GLRA3: variants seen among roughly 807,000 people sequenced by gnomAD.
The protein encoded by GLRA3 is glycine receptor alpha 3, also known as glycine receptor subunit alpha-3.
GLRA3 carries 44 observed loss-of-function variants against 60.4 expected under a neutral mutation model. That is an observed-to-expected ratio of 0.73 (90% confidence interval 0.57 to 0.94). The LOEUF (loss-of-function observed/expected upper bound fraction) is 0.94, where lower values mean the gene tolerates loss of function less well. Ranked by LOEUF, GLRA3 falls within the 40% of genes least tolerant of loss-of-function variation. GLRA3 has a pLI of 0.00. For missense variants in GLRA3, 508 were observed against 564.6 expected, an observed-to-expected ratio of 0.90 and a Z score of 1.02; for synonymous variants, 223 against 192.9, an observed-to-expected ratio of 1.16 and a Z score of -1.29.
chr4:174,666,376 A>G (rs1279391650), intron 7 of GLRA3, among the ~76,000 whole-genome samples: 1 of 152,030 alleles, frequency 6.6e-6, no homozygotes, highest in Non-Finnish European at 1.5e-5. Flanking sequence ...GCCCAGGTGA[A>G]GCAAAACTAT....
chr4:174,803,456 T>C (rs1412315890), intron 1 of GLRA3, among the ~76,000 whole-genome samples: 1 of 152,134 alleles, frequency 6.6e-6, no homozygotes, highest in Non-Finnish European at 1.5e-5. Flanking sequence ...TAATAAAATG[T>C]AAGGTACCAT....
chr4:174,721,255 C>A (rs1388197785), intron 4 of GLRA3, among the ~76,000 whole-genome samples: 1 of 152,066 alleles, frequency 6.6e-6, no homozygotes, highest in African/African-American at 2.4e-5. Flanking sequence ...TCTCCATCTC[C>A]TGACCTCATG....
chr4:174,750,756 T>C (rs1314545266), intron 3 of GLRA3, among the ~76,000 whole-genome samples: 1 of 152,096 alleles, frequency 6.6e-6, no homozygotes, highest in Non-Finnish European at 1.5e-5. Context: ...CTTAGTGATC[T>C]TTGACTGCAG....
In GLRA3 at chr4:174,642,020, T is replaced by TA. The variant is rs1322948763; in HGVS notation, c.*1765dup. 3 of 359,164 alleles carry TA rather than the reference T, an allele frequency of 8.4e-6. No homozygotes were observed. The highest frequency in any genetic ancestry group is 7.8e-6 in the Non-Finnish European group (2 of 257,618). 22.2% of individuals were successfully genotyped at this position (359,164 alleles called of 1,614,324 possible). A position where few individuals can be genotyped will look rare whatever the true frequency, so the allele number is the denominator to read the frequency against. ...GTCCTCAACGTGGGTACTTACAGAG[T>TA]AACAAATTCTTTTGGTTGTGTCATT... On this transcript the variant is annotated 3_prime_UTR_variant, in exon 10 of 10. Coordinates refer to ENST00000274093, the MANE Select transcript of GLRA3 (RefSeq NM_006529.4).
At chr4:174,657,627 G>T (rs1189240406) in intron 8 of GLRA3, among the ~76,000 whole-genome samples, 1 of 151,966 alleles carries the variant, frequency 6.6e-6, no homozygotes, top group African/African-American at 2.4e-5. Context: ...TATCATGAAA[G>T]AAAAGATGAG....
In GLRA3 at chr4:174,685,318, A is replaced by C. The variant is rs973051633; in HGVS notation, c.575-2379T>G. ...AGATGCCCTACCACACTTGACCCCT[A>C]GGTATATCTCACACCGTCCACTCTA... On this transcript the variant is annotated intron_variant, in intron 5 of 9. Coordinates refer to ENST00000274093, the MANE Select transcript of GLRA3 (RefSeq NM_006529.4). Among the ~76,000 whole-genome samples, 5 of 152,156 alleles carry C rather than the reference A, an allele frequency of 3.3e-5. No homozygotes were observed. In the South Asian group the frequency reaches 8.3e-4, roughly 25 times the overall value.
chr4:174,762,893 A>G (rs1252841189), intron 3 of GLRA3, among the ~76,000 whole-genome samples: 1 of 152,124 alleles, frequency 6.6e-6, no homozygotes, highest in African/African-American at 2.4e-5. Context: ...ATCAGTTACC[A>G]ACCACCTCCC....
At position 174,774,692 on chromosome 4, in the gene GLRA3, G is replaced by T. The variant is rs78490506; in HGVS notation, c.200-7662C>A. ...ATGACAGTCACAGAAAGAATAAAGT[G>T]CTGGTTCAGACTGAAAAAGACAATG... is the stretch of plus-strand genomic sequence containing the variant. On this transcript the variant is annotated intron_variant, in intron 2 of 9. Coordinates refer to ENST00000274093, the MANE Select transcript of GLRA3 (RefSeq NM_006529.4). Among the ~76,000 whole-genome samples, 21 of 152,248 alleles carry T rather than the reference G, an allele frequency of 1.4e-4. 1 individual carries two copies. The East Asian group carries it at 4.0e-3, about 29-fold the overall frequency.
intron 5 of GLRA3, among the ~76,000 whole-genome samples, chr4:174,687,318 A>C (rs370155073): frequency 9.9e-5 from 15 of 152,268 alleles, no homozygotes; most frequent in African/African-American, 3.4e-4. Context: ...AACAATTATT[A>C]ATTTTAGTAA....
chr4:174,751,178 T>A (rs1050540001), intron 3 of GLRA3, among the ~76,000 whole-genome samples: 1 of 151,946 alleles, frequency 6.6e-6, no homozygotes, highest in Non-Finnish European at 1.5e-5. Flanking sequence ...AGTCACACCT[T>A]TATAGAAGCT....
At chr4:174,737,732 G>A (rs933468421) in intron 3 of GLRA3, among the ~76,000 whole-genome samples, 8 of 152,090 alleles carry the variant, frequency 5.3e-5, no homozygotes, top group African/African-American at 1.4e-4. Flanking sequence ...GACTGGTCTC[G>A]AACTCCTGAC....
At chr4:174,690,409 T>A in intron 5 of GLRA3, among the ~76,000 whole-genome samples, 1 of 152,222 alleles carries the variant, frequency 6.6e-6, no homozygotes. Flanking sequence ...GATGAATGGT[T>A]CAAAACAGAG....
At chr4:174,769,076 T>C (rs1738274841) in intron 2 of GLRA3, among the ~76,000 whole-genome samples, 1 of 152,100 alleles carries the variant, frequency 6.6e-6, no homozygotes. Flanking sequence ...CTTGACTTAT[T>C]TCTGTTTCCC....
At chr4:174,691,379 C>A (rs2111009297) in intron 5 of GLRA3, among the ~76,000 whole-genome samples, 1 of 152,170 alleles carries the variant, frequency 6.6e-6, no homozygotes, top group African/African-American at 2.4e-5. Flanking sequence ...TCTCCCCTCT[C>A]CCCTCTCTCT....
At chr4:174,670,940 T>C (rs1386642775) in intron 7 of GLRA3, among the ~76,000 whole-genome samples, 1 of 152,140 alleles carries the variant, frequency 6.6e-6, no homozygotes, top group Non-Finnish European at 1.5e-5. Context: ...ATGGTATTCA[T>C]ATACATTATA....
At chr4:174,655,797 C>T (rs1733172043) in intron 9 of GLRA3, among the ~76,000 whole-genome samples, 1 of 151,926 alleles carries the variant, frequency 6.6e-6, no homozygotes, top group Non-Finnish European at 1.5e-5. Flanking sequence ...ACTTTAGTTG[C>T]AAAGGACAAT....
intron 9 of GLRA3, among the ~76,000 whole-genome samples, chr4:174,654,061 C>T (rs1286212852): frequency 3.9e-5 from 6 of 151,988 alleles, no homozygotes; most frequent in Non-Finnish European, 2.9e-5. Context: ...AAGTTTTCTT[C>T]GGGTATGCAT....
At chr4:174,756,703 G>A (rs2111209968) in intron 3 of GLRA3, among the ~76,000 whole-genome samples, 1 of 148,422 alleles carries the variant, frequency 6.7e-6, no homozygotes, top group East Asian at 2.0e-4. Context: ...GGAGTGCAGT[G>A]GCGCGATCTC....
chr4:174,661,842 A>C (rs1015227999), intron 7 of GLRA3, among the ~76,000 whole-genome samples: 1 of 152,222 alleles, frequency 6.6e-6, no homozygotes, highest in Non-Finnish European at 1.5e-5. Context: ...AATGGAAAAA[A>C]CAGACAACTT....
Sources: gnomAD v4.1 joint callset for allele counts (sites outside exome capture counted in the v4.1 genomes callset) on GRCh38, gnomAD v4.1.1 for gene constraint, MANE v1.5 for transcripts, NCBI Gene and HGNC (gene_info 2026-07-23, HGNC 2026-07-21) for gene names.